Variants in HSPA4L observed in about 807,000 individuals in gnomAD.
HSPA4L encodes heat shock 70 kDa protein 4L.
A neutral mutation model predicts 100.3 loss-of-function variants in HSPA4L; 48 were observed. The ratio of observed to expected loss-of-function variants is 0.48; its 90% CI spans 0.38 to 0.61. The LOEUF (loss-of-function observed/expected upper bound fraction) is 0.61, where lower values mean the gene tolerates loss of function less well. HSPA4L is among the 20% of genes least tolerant of loss of function. The pLI is 0.00. For synonymous variants in HSPA4L, 319 were observed against 328.2 expected (o/e 0.97, Z 0.30); for missense variants, 886 against 988.6 (o/e 0.90, Z 1.39).
chr4:127,804,836 GA>G (rs1404511851), intron 8 of HSPA4L, among the ~76,000 whole-genome samples: 2 of 152,092 alleles, frequency 1.3e-5, no homozygotes, highest in Non-Finnish European at 2.9e-5. Context: ...TAAAACCCAT[GA>G]AGTGCTTTTC....
At chr4:127,827,702 C>A (rs998318427) in intron 17 of HSPA4L, among the ~76,000 whole-genome samples, 1 of 151,066 alleles carries the variant, frequency 6.6e-6, no homozygotes, top group African/African-American at 2.4e-5. Flanking sequence ...TGTTTTCTTC[C>A]TAGAGATTTC....
chr4:127,784,658 T>G (rs918193591), intron 1 of HSPA4L, among the ~76,000 whole-genome samples: 12 of 152,360 alleles, frequency 7.9e-5, no homozygotes, highest in Non-Finnish European at 1.6e-4. Context: ...TTTTGTTGTT[T>G]CTGAACAAAA....
rs1261050911 is a variant in HSPA4L, at chr4:127,835,864, A to G, written c.*2990A>G. The G allele has an allele frequency of 1.3e-5, 2 of 152,590 alleles. No homozygotes were observed. 9.5% of individuals were successfully genotyped at this position (152,590 alleles called of 1,614,324 possible). A position where few individuals can be genotyped will look rare whatever the true frequency, so the allele number is the denominator to read the frequency against. On this transcript the variant is annotated 3_prime_UTR_variant, in exon 19 of 19. Transcript: ENST00000296464. ...TTTGAGAGGCTAAGAAGGGAGGATCACTTGAACCCAGGAGTTCAAGACCAG... is the reference window on the plus strand; with the variant it reads ...TTTGAGAGGCTAAGAAGGGAGGATCGCTTGAACCCAGGAGTTCAAGACCAG...
intron 2 of HSPA4L, among the ~76,000 whole-genome samples, chr4:127,794,978 G>C (rs1216908633): frequency 2.0e-5 from 3 of 152,096 alleles, no homozygotes; most frequent in Non-Finnish European, 2.9e-5. Flanking sequence ...TTGCAAAAAT[G>C]CAAGCCATTT....
At chr4:127,831,501 T>TAAAA (rs770152039) in intron 18 of HSPA4L, among the ~76,000 whole-genome samples, 2 of 103,426 alleles carry the variant, frequency 1.9e-5, no homozygotes, top group Admixed American at 1.1e-4. Flanking sequence ...CCTTGTCTAT[T>TAAAA]AAAAAAAAAA....
intron 1 of HSPA4L, among the ~76,000 whole-genome samples, chr4:127,784,558 C>A (rs1279109375): frequency 6.6e-6 from 1 of 152,214 alleles, no homozygotes; most frequent in African/African-American, 2.4e-5. Flanking sequence ...CTAGAAAGTT[C>A]TTAAAAAGTG....
chr4:127,809,237 G>A (rs767947246), intron 11 of HSPA4L: 290 of 1,392,426 alleles, frequency 2.1e-4, no homozygotes, highest in Non-Finnish European at 2.8e-4. Flanking sequence ...TGGACAAAGA[G>A]AAAAGAAGAC....
rs1734159100 is a variant in HSPA4L at position 127,834,456 on chromosome 4, C to T, written c.*1582C>T. On this transcript the variant is annotated 3_prime_UTR_variant, in exon 19 of 19. Coordinates refer to ENST00000296464, the MANE Select transcript of HSPA4L (RefSeq NM_014278.4). ...ACTTAATGGAGAGTATGGAGTAGTG[C>T]ATTTTGCAGGGATTTTTATTCCGTC... 6.6e-6 allele frequency: 1 copy of T among 152,040 alleles called. No homozygotes were observed. The highest frequency in any genetic ancestry group is 1.5e-5 in the Non-Finnish European group (1 of 67,982). The allele number at this position is 152,040 out of a possible 1,614,324, so 9.4% of individuals were successfully genotyped here.
chr4:127,801,455 ATACGTG>A (rs1733175088), intron 5 of HSPA4L, among the ~76,000 whole-genome samples: 1 of 139,158 alleles, frequency 7.2e-6, no homozygotes, highest in Admixed American at 7.1e-5. Flanking sequence ...ATATATAAAA[ATACGTG>A]TGTGTGTGTG....
rs1734244016 is a variant in HSPA4L at position 127,837,623 on chromosome 4, T to A, written c.*4749T>A. 6.6e-6 allele frequency: 1 copy of A among 152,222 alleles called. No homozygotes were observed. The highest frequency in any genetic ancestry group is 6.5e-5 in the Admixed American group (1 of 15,282). 9.4% of individuals were successfully genotyped at this position (152,222 alleles called of 1,614,324 possible). A position where few individuals can be genotyped will look rare whatever the true frequency, so the allele number is the denominator to read the frequency against. On this transcript the variant is annotated 3_prime_UTR_variant, in exon 19 of 19. Coordinates refer to ENST00000296464, the MANE Select transcript of HSPA4L (RefSeq NM_014278.4). ...TATACCTTTTGGTTTTTGCCCAACA[T>A]TTGATTTAATCTAAAGCAAGAATAT...
chr4:127,797,179 T>A (rs1733044843), intron 3 of HSPA4L, among the ~76,000 whole-genome samples: 1 of 152,184 alleles, frequency 6.6e-6, no homozygotes, highest in Non-Finnish European at 1.5e-5. Context: ...ATTTTCAGGT[T>A]ACTAAAGTGA....
intron 12 of HSPA4L, among the ~76,000 whole-genome samples, chr4:127,816,406 C>A (rs1454536754): frequency 6.6e-6 from 1 of 152,104 alleles, no homozygotes; most frequent in African/African-American, 2.4e-5. Context: ...CTTAGTCTTG[C>A]AAATGATAAC....
chr4:127,799,860 A>G (rs1290697461), intron 4 of HSPA4L, among the ~76,000 whole-genome samples: 2 of 152,236 alleles, frequency 1.3e-5, no homozygotes, highest in Non-Finnish European at 2.9e-5. Flanking sequence ...ATATTAAATG[A>G]ACCATGCATG....
At position 127,803,695 on chromosome 4, in the gene HSPA4L, T is replaced by C. The variant is rs775557806; in HGVS notation, c.730T>C (p.Phe244Leu). The change falls in exon 7 of 19, where the codon TTC (phenylalanine) becomes CTC (leucine). Residue 244 changes from phenylalanine to leucine, a missense_variant. By Grantham distance (22) the Phe-to-Leu change is conservative (BLOSUM62 0). Transcript: ENST00000296464. ...RNFDEALVDY[F>L]CDEFKTKYKI... The stretch of plus-strand genomic sequence containing the variant: ...CTTTGATGAGGCTTTAGTAGACTAC[T>C]TCTGTGATGAGTTCAAGACCAAATA... The C allele has an allele frequency of 1.2e-6, 2 of 1,613,904 alleles. No homozygotes were observed. Among genetic ancestry groups the C allele is most frequent in the East Asian group, 2.2e-5 (1 of 44,842 alleles).
rs563636394 is a variant in HSPA4L, at chr4:127,827,345, A to G, written c.2087A>G (p.Glu696Gly). 21 of 1,613,704 alleles carry G rather than the reference A, an allele frequency of 1.3e-5. No homozygotes were observed. The South Asian group carries it at 2.2e-4, about 17-fold the overall frequency. ...QPIQMKYMEHEERPKALNDLG... is the reference protein window; with the variant it reads ...QPIQMKYMEHGERPKALNDLG... Reference sequence around the variant, plus strand: ...ATTCAAATGAAGTACATGGAGCATGAAGAGAGACCAAAAGCCTTAAATGAC... The same window carrying G: ...ATTCAAATGAAGTACATGGAGCATGGAGAGAGACCAAAAGCCTTAAATGAC... The change falls in exon 17 of 19, where the codon GAA (glutamate) becomes GGA (glycine). Residue 696 changes from glutamate (E) to glycine (G), a missense_variant. Transcript: ENST00000296464.
chr4:127,824,978 A>C (rs1298972005), intron 16 of HSPA4L, among the ~76,000 whole-genome samples: 1 of 152,126 alleles, frequency 6.6e-6, no homozygotes, highest in East Asian at 1.9e-4. Flanking sequence ...CTACTAAAAA[A>C]AAATACAAAA....
At position 127,782,798 on chromosome 4, in the gene HSPA4L, C is replaced by T. The variant is rs1450726841; in HGVS notation, c.107+141C>T. The T allele has an allele frequency of 6.4e-6, 4 of 620,626 alleles. No individual in the cohort carries two copies. The East Asian group carries it at 1.2e-4, about 18-fold the overall frequency. The allele number at this position is 620,626 out of a possible 1,614,324, so 38.4% of individuals were successfully genotyped here. ...CGAGATGACAGGTGCAACCCGTCAA[C>T]CGCAGTCCCTAGAGACCGCCGGGTG... On this transcript the variant is annotated intron_variant, in intron 1 of 18. Transcript: ENST00000296464.
intron 10 of HSPA4L, 21 bp downstream of exon 10, chr4:127,805,814 T>A: frequency 6.8e-7 from 1 of 1,464,244 alleles, no homozygotes; most frequent in Non-Finnish European, 9.5e-7. Context: ...TTTAAAACCT[T>A]GATTAGAGCT....
chr4:127,818,390 G>T lies in HSPA4L; in HGVS notation c.1644G>T (p.Glu548Asp), dbSNP rs1437495671. The T allele has an allele frequency of 6.2e-7, 1 of 1,608,368 alleles. No homozygotes were observed. The highest frequency in any genetic ancestry group is 1.3e-5 in the African/African-American group (1 of 74,818). The change falls in exon 13 of 19, where the codon GAG becomes GAT. Residue 548 changes from glutamate (E) to aspartate (D), a missense_variant. Physicochemically the swap from Glu to Asp is conservative, Grantham distance 45. Coordinates refer to ENST00000296464, the MANE Select transcript of HSPA4L (RefSeq NM_014278.4). ...GTCATGCTGAACACACTCCAGAAGA[G>T]GAAATTGATCATACAGGAGCCAAAA... Reference protein sequence around the residue: ...QKCHAEHTPEEEIDHTGAKTK... With the variant: ...QKCHAEHTPEDEIDHTGAKTK...
Sources: allele counts gnomAD v4.1 joint callset (sites outside exome capture counted in the v4.1 genomes callset), GRCh38; gene constraint gnomAD v4.1.1; transcripts MANE v1.5; gene names NCBI Gene and HGNC (gene_info 2026-07-23, HGNC 2026-07-21).